Variants in LAMA2 observed in about 807,000 individuals in gnomAD.
LAMA2 encodes the protein laminin subunit alpha 2, also known as laminin subunit alpha-2.
A neutral mutation model predicts 364.8 loss-of-function variants in LAMA2; 269 were observed. The ratio of observed to expected loss-of-function variants is 0.74; its 90% confidence interval spans 0.67 to 0.82. The LOEUF is 0.82. Ranked by LOEUF, LAMA2 falls within the 40% of genes least tolerant of loss-of-function variation. The pLI is 0.00. For missense variants in LAMA2, 3,807 were observed against 3,873.2 expected, an observed-to-expected ratio of 0.98 and a Z score of 0.45; for synonymous variants, 1,379 against 1,370.6, an observed-to-expected ratio of 1.01 and a Z score of -0.14.
At chr6:129,502,589 T>C (rs1785733204) in intron 58 of LAMA2, 70 bp from the exon 59 acceptor site, 2 of 949,040 alleles carry the variant, frequency 2.1e-6, no homozygotes, top group East Asian at 2.4e-5. Flanking sequence ...AAGAAACAAT[T>C]AGACAGCATC....
At chr6:129,328,522 G>A in intron 29 of LAMA2, 110 bp downstream of exon 29, 10 of 1,537,710 alleles carry the variant, frequency 6.5e-6, no homozygotes, top group Non-Finnish European at 8.9e-6. Flanking sequence ...GCAACTGTGT[G>A]TGTGAAATAA....
intron 28 of LAMA2, among the ~76,000 whole-genome samples, chr6:129,325,307 C>A (rs1775207216): frequency 6.6e-6 from 1 of 152,068 alleles, no homozygotes; most frequent in Non-Finnish European, 1.5e-5. Context: ...AAGAGGAGCT[C>A]AGGAAAGTAT....
At chr6:128,971,083 A>G (rs923032375) in intron 1 of LAMA2, among the ~76,000 whole-genome samples, 9 of 152,208 alleles carry the variant, frequency 5.9e-5, no homozygotes, top group African/African-American at 2.2e-4. Context: ...AGCTTTGACC[A>G]TCAAGAAGAG....
chr6:129,236,299 T>G (rs781612563), intron 12 of LAMA2, among the ~76,000 whole-genome samples: 1 of 152,154 alleles, frequency 6.6e-6, no homozygotes, highest in Admixed American at 6.5e-5. Flanking sequence ...AATCTCAGCT[T>G]TTTTCACTTT....
chr6:129,389,126 C>T lies in LAMA2; in HGVS notation c.5072-2365C>T, dbSNP rs151185870. 2.8e-3 allele frequency among the ~76,000 whole-genome samples: 433 copies of T among 152,268 alleles called. 3 individuals carry two copies. Among genetic ancestry groups the T allele is most frequent in the African/African-American group, 0.01 (426 of 41,548 alleles). On this transcript the variant is annotated intron_variant, in intron 35 of 64. Coordinates refer to ENST00000421865, the MANE Select transcript of LAMA2 (RefSeq NM_000426.4). ...TTCTTTGGCATATGTCAAGGTATAA[C>T]TGTTAGGCAGTGGGTCAAGAAAGAG...
At chr6:129,289,586 G>A (rs549116248) in intron 19 of LAMA2, among the ~76,000 whole-genome samples, 8 of 152,030 alleles carry the variant, frequency 5.3e-5, no homozygotes, top group African/African-American at 1.9e-4. Context: ...CCCCCATAAA[G>A]TTAGGGATAT....
At chr6:128,949,036 T>C (rs1285337827) in intron 1 of LAMA2, among the ~76,000 whole-genome samples, 2 of 152,186 alleles carry the variant, frequency 1.3e-5, no homozygotes, top group Non-Finnish European at 2.9e-5. Flanking sequence ...ATCCCCCCGA[T>C]GTAGGATAAA....
chr6:128,950,449 G>C (rs956246271), intron 1 of LAMA2, among the ~76,000 whole-genome samples: 1 of 152,096 alleles, frequency 6.6e-6, no homozygotes, highest in African/African-American at 2.4e-5. Flanking sequence ...AGGCCACGTG[G>C]GTAGAACTTG....
intron 4 of LAMA2, among the ~76,000 whole-genome samples, chr6:129,100,239 C>A (rs1262354449): frequency 1.3e-5 from 2 of 152,120 alleles, no homozygotes; most frequent in African/African-American, 4.8e-5. Flanking sequence ...TAGTTAGTTT[C>A]TTTAATTGGC....
At chr6:129,212,789 A>G (rs1165550018) in intron 12 of LAMA2, among the ~76,000 whole-genome samples, 1 of 152,252 alleles carries the variant, frequency 6.6e-6, no homozygotes, top group Non-Finnish European at 1.5e-5. Flanking sequence ...AAATAAACAG[A>G]TACAATAATA....
chr6:129,054,376 A>G (rs1204649345), intron 2 of LAMA2, among the ~76,000 whole-genome samples: 4 of 152,228 alleles, frequency 2.6e-5, no homozygotes, highest in African/African-American at 9.6e-5. Flanking sequence ...TTGATGGATT[A>G]TTAGTTTCAG....
chr6:129,512,626 GT>G, intron 63 of LAMA2, 133 bp downstream of exon 63: 1 of 1,006,196 alleles, frequency 9.9e-7, no homozygotes, highest in Admixed American at 1.7e-5. Context: ...TAAATTGTAT[GT>G]TTTCATCCTT....
At chr6:128,957,989 A>C (rs1402521648) in intron 1 of LAMA2, among the ~76,000 whole-genome samples, 1 of 152,052 alleles carries the variant, frequency 6.6e-6, no homozygotes, top group Non-Finnish European at 1.5e-5. Context: ...GGAATAATTC[A>C]TTCCAGTAGG....
chr6:129,423,016 A>T (rs1006963582), intron 40 of LAMA2, among the ~76,000 whole-genome samples: 1 of 152,104 alleles, frequency 6.6e-6, no homozygotes, highest in Non-Finnish European at 1.5e-5. Context: ...TAATGCCAGG[A>T]TGTAAGATTG....
At chr6:129,077,132 T>G (rs1281019421) in intron 3 of LAMA2, among the ~76,000 whole-genome samples, 1 of 152,180 alleles carries the variant, frequency 6.6e-6, no homozygotes, top group Non-Finnish European at 1.5e-5. Flanking sequence ...ATATATGATA[T>G]TCACGTAATA....
intron 19 of LAMA2, among the ~76,000 whole-genome samples, chr6:129,289,602 C>T (rs973473944): frequency 2.6e-5 from 4 of 151,964 alleles, no homozygotes; most frequent in Non-Finnish European, 4.4e-5. Context: ...GATATTATTC[C>T]ACTAATTTTA....
chr6:129,498,267 GA>G (rs368998700), intron 58 of LAMA2, among the ~76,000 whole-genome samples: 6 of 152,138 alleles, frequency 3.9e-5, no homozygotes, highest in Non-Finnish European at 7.3e-5. Context: ...GGGATTTGGG[GA>G]AAAGAAGTGA....
In LAMA2 at chr6:129,516,527, A is replaced by C; in HGVS notation, c.*180A>C. ...TGAATTTTAATTCAAGTTCTTTCTC[A>C]AGTCTATAAATAATATTAAACTGAT... is the stretch of plus-strand genomic sequence containing the variant. On this transcript the variant is annotated 3_prime_UTR_variant, in exon 65 of 65. Transcript: ENST00000421865. 13 of 566,000 alleles carry C rather than the reference A, an allele frequency of 2.3e-5. No homozygotes were observed. The highest frequency in any genetic ancestry group is 3.3e-5 in the Admixed American group (1 of 30,164). 35.1% of individuals were successfully genotyped at this position (566,000 alleles called of 1,614,324 possible). A position where few individuals can be genotyped will look rare whatever the true frequency, so the allele number is the denominator to read the frequency against.
Position 128,961,776 on chromosome 6 carries a change from C to T in LAMA2, c.112+78419C>T, listed in dbSNP as rs138374711. ...CGATCAATACTTTGTATTCTTCAAT[C>T]CAATCAAGTTGACACTTGTATTAAC... On this transcript the variant is annotated intron_variant, in intron 1 of 64. Transcript: ENST00000421865. 1.1e-3 allele frequency among the ~76,000 whole-genome samples: 165 copies of T among 152,002 alleles called. 1 individual carries two copies. The highest frequency in any genetic ancestry group is 3.6e-3 in the African/African-American group (148 of 41,476).
Sources: gnomAD v4.1 joint callset for allele counts (sites outside exome capture counted in the v4.1 genomes callset) on GRCh38, gnomAD v4.1.1 for gene constraint, MANE v1.5 for transcripts, NCBI Gene and HGNC (gene_info 2026-07-23, HGNC 2026-07-21) for gene names.